Variants in TTC7B observed in about 807,000 individuals in gnomAD.
TTC7B encodes tetratricopeptide repeat protein 7B.
In TTC7B, 28 loss-of-function variants were observed where a neutral mutation model predicts 106.8. The ratio of observed to expected loss-of-function variants is 0.26; its 90% confidence interval spans 0.19 to 0.36. TTC7B has a LOEUF of 0.36. Among genes scored for constraint, TTC7B ranks in the 10% least tolerant of loss-of-function variants. The pLI is 1.00. For synonymous variants in TTC7B, 405 were observed against 430.6 expected (o/e 0.94, Z 0.74); for missense variants, 862 against 1,076.4 (o/e 0.80, Z 2.79).
rs767107878 is a variant in TTC7B, at chr14:90,816,317, C to T, written c.-22G>A. The stretch of plus-strand genomic sequence containing the variant: ...CCATCGCGGCCTGGCCGGGCCCGGC[C>T]GCCCGCCCCGCAGGCCCCACCGCCG... On this transcript the variant is annotated 5_prime_UTR_variant, in exon 1 of 20. Transcript: ENST00000328459. The T allele has an allele frequency of 1.5e-5, 17 of 1,099,320 alleles. No homozygotes were observed. The highest frequency in any genetic ancestry group is 1.7e-5 in the Non-Finnish European group (15 of 885,808). 68.1% of individuals were successfully genotyped at this position (1,099,320 alleles called of 1,614,324 possible). A position where few individuals can be genotyped will look rare whatever the true frequency, so the allele number is the denominator to read the frequency against.
In TTC7B at chr14:90,642,967, C is replaced by A. The variant is rs527845887; in HGVS notation, c.1751+1081G>T. 2.2e-4 allele frequency among the ~76,000 whole-genome samples: 33 copies of A among 152,042 alleles called. No individual in the cohort carries two copies. In the South Asian group the frequency reaches 6.7e-3, roughly 31 times the overall value. On this transcript the variant is annotated intron_variant, in intron 15 of 19. Coordinates refer to ENST00000328459, the MANE Select transcript of TTC7B (RefSeq NM_001010854.2). Reference sequence around the variant, plus strand: ...TTCCCAGATTTCACCCACTGGAGTTCAACATCACTTCTGCCATATCCAAGT... The same window carrying A: ...TTCCCAGATTTCACCCACTGGAGTTAAACATCACTTCTGCCATATCCAAGT...
chr14:90,813,361 A>C (rs2140067910), intron 1 of TTC7B, among the ~76,000 whole-genome samples: 1 of 152,254 alleles, frequency 6.6e-6, no homozygotes, highest in African/African-American at 2.4e-5. Flanking sequence ...GAGTTTCATA[A>C]GGGCTGAGAT....
At chr14:90,606,434 G>A (rs576059738) in intron 17 of TTC7B, among the ~76,000 whole-genome samples, 16 of 152,288 alleles carry the variant, frequency 1.1e-4, no homozygotes, top group East Asian at 1.9e-4. Flanking sequence ...CTTATTTTGC[G>A]TTGGATAGGT....
intron 1 of TTC7B, among the ~76,000 whole-genome samples, chr14:90,797,412 G>C (rs911279): frequency 0.62 from 91,008 of 147,092 alleles, 29,770 homozygotes; most frequent in Non-Finnish European, 0.72. Context: ...GAGCCGAGAT[G>C]TCTCCACTGT....
At position 90,744,826 on chromosome 14, in the gene TTC7B, T is replaced by G. The variant is rs898459649; in HGVS notation, c.542A>C (p.Asp181Ala). 1.9e-6 allele frequency: 3 copies of G among 1,613,992 alleles called. No homozygotes were observed. The highest frequency in any genetic ancestry group is 2.7e-5 in the African/African-American group (2 of 74,904). The change falls in exon 4 of 20, where the codon GAC becomes GCC. Residue 181 changes from aspartate (D) to alanine (A), a missense_variant. Physicochemically the swap from Asp to Ala is moderately radical, Grantham distance 126. Coordinates refer to ENST00000328459, the MANE Select transcript of TTC7B (RefSeq NM_001010854.2). ...CTCTTGGAGATACAGGAGTGCGATG[T>G]CCCCTGCTTTCTCATAACAGGTGAT... ...DVITCYEKAGDIALLYLQEIE... is the reference protein window; with the variant it reads ...DVITCYEKAGAIALLYLQEIE...
At chr14:90,615,461 G>A (rs1003026095) in intron 16 of TTC7B, among the ~76,000 whole-genome samples, 1 of 152,212 alleles carries the variant, frequency 6.6e-6, no homozygotes, top group African/African-American at 2.4e-5. Flanking sequence ...GCCAAATGCT[G>A]TCTGCCAAAA....
chr14:90,577,323 C>G lies in TTC7B; in HGVS notation c.2310+783G>C, dbSNP rs1165522505. Among the ~76,000 whole-genome samples the G allele has an allele frequency of 6.6e-6, 1 of 152,174 alleles. No homozygotes were observed. The highest frequency in any genetic ancestry group is 1.9e-4 in the East Asian group (1 of 5,186). On this transcript the variant is annotated intron_variant, in intron 19 of 19. Transcript: ENST00000328459. The surrounding 1 kb of genome is among the most constrained non-coding windows in gnomAD (Gnocchi z 5.0). Reference sequence around the variant, plus strand: ...CTCGCAGGAAGATGACAGAGGACTGCCGAGGCAGCTGCACTAACACACGTT... The same window carrying G: ...CTCGCAGGAAGATGACAGAGGACTGGCGAGGCAGCTGCACTAACACACGTT...
chr14:90,707,768 A>T (rs1163282322), intron 5 of TTC7B, among the ~76,000 whole-genome samples: 1 of 152,206 alleles, frequency 6.6e-6, no homozygotes, highest in Non-Finnish European at 1.5e-5. Flanking sequence ...AGGCTGAGAG[A>T]GGTGAAGAAG....
At chr14:90,794,641 G>T (rs1047628937) in intron 1 of TTC7B, among the ~76,000 whole-genome samples, 1 of 152,116 alleles carries the variant, frequency 6.6e-6, no homozygotes, top group African/African-American at 2.4e-5. Flanking sequence ...GTTCCAAAAG[G>T]AGCTGCCTGC....
chr14:90,636,306 G>A (rs1435372203), intron 15 of TTC7B, among the ~76,000 whole-genome samples: 1 of 150,924 alleles, frequency 6.6e-6, no homozygotes, highest in Non-Finnish European at 1.5e-5. Flanking sequence ...AAAATGCCTT[G>A]TATCTTACAA....
At chr14:90,659,558 G>A (rs1034878782) in intron 9 of TTC7B, among the ~76,000 whole-genome samples, 3 of 152,108 alleles carry the variant, frequency 2.0e-5, no homozygotes, top group Non-Finnish European at 2.9e-5. Flanking sequence ...AAAGGAGGGC[G>A]AAGAAGGGAT....
At chr14:90,544,759 G>C (rs943586536) in intron 19 of TTC7B, among the ~76,000 whole-genome samples, 4 of 152,166 alleles carry the variant, frequency 2.6e-5, no homozygotes, top group Non-Finnish European at 5.9e-5. Context: ...GATTATGGCA[G>C]GAGCTCGTCA....
intron 5 of TTC7B, among the ~76,000 whole-genome samples, chr14:90,729,575 C>T (rs1889245898): frequency 6.6e-6 from 1 of 152,172 alleles, no homozygotes; most frequent in Admixed American, 6.5e-5. Flanking sequence ...GAGAGCTGTC[C>T]CTCCCGTTCA....
rs574109793 is a variant in TTC7B, at chr14:90,718,611, C to T, written c.698+11464G>A. ...ATAGGAGCCGTAAGTTCCATGAAGC[C>T]GGTCTGGGCTGTCCTATTCGGCCTT... On this transcript the variant is annotated intron_variant, in intron 5 of 19. Coordinates refer to ENST00000328459, the MANE Select transcript of TTC7B (RefSeq NM_001010854.2). Among the ~76,000 whole-genome samples, 125 of 152,194 alleles carry T rather than the reference C, an allele frequency of 8.2e-4. 2 individuals carry two copies. Among genetic ancestry groups the T allele is most frequent in the South Asian group, 1.0e-3 (5 of 4,820 alleles).
intron 7 of TTC7B, among the ~76,000 whole-genome samples, chr14:90,686,600 T>G (rs1887260512): frequency 6.6e-6 from 1 of 152,184 alleles, no homozygotes; most frequent in African/African-American, 2.4e-5. Context: ...CCAAAAAAAC[T>G]ATTAGGACCA....
chr14:90,633,984 C>A (rs543520289), intron 15 of TTC7B, among the ~76,000 whole-genome samples: 1 of 151,998 alleles, frequency 6.6e-6, no homozygotes, highest in Non-Finnish European at 1.5e-5. Flanking sequence ...AAGTGATTCT[C>A]CTGCTTCAGC....
At position 90,767,519 on chromosome 14, in the gene TTC7B, C is replaced by T. The variant is rs563398571; in HGVS notation, c.445+13219G>A. 5.3e-5 allele frequency among the ~76,000 whole-genome samples: 8 copies of T among 152,228 alleles called. No individual in the cohort carries two copies. In the South Asian group the frequency reaches 1.7e-3, roughly 32 times the overall value. ...GTAGATTCATTATAAGAGAGGAAGTCCAGCCCCCTTTTCCTTCTTTCTCTC... is the reference window on the plus strand; with the variant it reads ...GTAGATTCATTATAAGAGAGGAAGTTCAGCCCCCTTTTCCTTCTTTCTCTC... On this transcript the variant is annotated intron_variant, in intron 3 of 19. Transcript: ENST00000328459.
chr14:90,671,937 C>A (rs1886649618), intron 9 of TTC7B, among the ~76,000 whole-genome samples: 2 of 152,186 alleles, frequency 1.3e-5, no homozygotes, highest in Admixed American at 1.3e-4. Context: ...CTCCCACTTA[C>A]CCCTGTGAGC....
At chr14:90,607,773 A>G (rs977162817) in intron 17 of TTC7B, among the ~76,000 whole-genome samples, 7 of 152,246 alleles carry the variant, frequency 4.6e-5, no homozygotes, top group African/African-American at 1.7e-4. Context: ...ATGGGTATGG[A>G]GGCATCTTCA....
Sources: allele counts gnomAD v4.1 joint callset (sites outside exome capture counted in the v4.1 genomes callset), GRCh38; gene constraint gnomAD v4.1.1; non-coding constraint Gnocchi (gnomAD v3.1); transcripts MANE v1.5; gene names NCBI Gene and HGNC (gene_info 2026-07-23, HGNC 2026-07-21).